Variants in SCN9A observed in about 807,000 individuals in gnomAD.
The protein encoded by SCN9A is sodium voltage-gated channel alpha subunit 9, also known as sodium channel protein type 9 subunit alpha.
Under a neutral mutation model 187.0 loss-of-function variants are expected in SCN9A, and 131 were observed. The observed-to-expected ratio is 0.70, with a 90% confidence interval of 0.61 to 0.81. The LOEUF is 0.81. Ranked by LOEUF, SCN9A falls within the 30% of genes least tolerant of loss-of-function variation. The probability of loss-of-function intolerance (pLI) is 0.00; values close to 1 mark genes in which losing one functional copy is unlikely to be tolerated. For missense variants in SCN9A, 2,252 were observed against 2,396.6 expected (o/e 0.94, Z 1.26); for synonymous variants, 809 against 808.6 (o/e 1.00, Z -0.01).
intron 17 of SCN9A, among the ~76,000 whole-genome samples, chr2:166,266,608 G>A (rs1696750639): frequency 6.7e-6 from 1 of 150,178 alleles, no homozygotes; most frequent in Non-Finnish European, 1.5e-5. Context: ...GAATGTCACT[G>A]GTATTTTGAT....
chr2:166,275,583 CAAAA>C, intron 16 of SCN9A, among the ~76,000 whole-genome samples: 1 of 95,146 alleles, frequency 1.1e-5, no homozygotes, highest in Non-Finnish European at 2.2e-5. Context: ...GATTCCATCT[CAAAA>C]AAAAAAAAAA....
intron 7 of SCN9A, among the ~76,000 whole-genome samples, chr2:166,297,875 T>C (rs974120466): frequency 2.0e-5 from 3 of 151,852 alleles, no homozygotes; most frequent in Non-Finnish European, 4.4e-5. Flanking sequence ...ATGGGGAAAA[T>C]GAAAATTGAT....
chr2:166,331,011 A>G (rs899084985), intron 1 of SCN9A, among the ~76,000 whole-genome samples: 1 of 152,196 alleles, frequency 6.6e-6, no homozygotes, highest in African/African-American at 2.4e-5. Flanking sequence ...AAATGCAAAA[A>G]TACAAGGGCA....
intron 2 of SCN9A, among the ~76,000 whole-genome samples, chr2:166,309,563 G>A (rs13426370): frequency 0.01 from 1,570 of 151,948 alleles, 10 homozygotes; most frequent in Non-Finnish European, 0.014. Context: ...GGACCTCTTC[G>A]AGGAGAACTA....
intron 18 of SCN9A, among the ~76,000 whole-genome samples, chr2:166,245,508 G>T (rs1695748364): frequency 1.3e-5 from 2 of 151,772 alleles, no homozygotes; most frequent in African/African-American, 2.4e-5. Flanking sequence ...GATAAACAGA[G>T]CTATGAACAT....
In SCN9A at chr2:166,198,508, C is replaced by G. The variant is rs1158330162; in HGVS notation, c.*164G>C. ...GAATCATCAGTGCAAAAATAACCAT[C>G]TGCTAATGCTGCCCACCTTTCTTAG... On this transcript the variant is annotated 3_prime_UTR_variant, in exon 27 of 27. Transcript: ENST00000642356. The G allele has an allele frequency of 3.4e-6, 2 of 587,744 alleles. No homozygotes were observed. The highest frequency in any genetic ancestry group is 6.0e-6 in the Non-Finnish European group (2 of 335,306). The allele number at this position is 587,744 out of a possible 1,614,324, so 36.4% of individuals were successfully genotyped here.
chr2:166,291,702 T>C (rs1698078855), intron 9 of SCN9A, among the ~76,000 whole-genome samples: 1 of 152,184 alleles, frequency 6.6e-6, no homozygotes. Flanking sequence ...CAAAACAGCA[T>C]GGTAGTGGTA....
intron 1 of SCN9A, among the ~76,000 whole-genome samples, chr2:166,322,936 G>T (rs1316306448): frequency 2.0e-5 from 3 of 152,118 alleles, no homozygotes; most frequent in Non-Finnish European, 4.4e-5. Context: ...TTTGTAAAAT[G>T]TAATTTTAAA....
intron 17 of SCN9A, among the ~76,000 whole-genome samples, chr2:166,256,928 G>T (rs891853391): frequency 2.6e-5 from 4 of 151,596 alleles, no homozygotes; most frequent in Admixed American, 6.6e-5. Flanking sequence ...TAAATGATAA[G>T]ATATGAATAT....
chr2:166,357,858 T>C (rs980545437), intron 1 of SCN9A, among the ~76,000 whole-genome samples: 5 of 152,014 alleles, frequency 3.3e-5, no homozygotes, highest in Non-Finnish European at 5.9e-5. Context: ...CAGGGAAAGA[T>C]GCCACCTTTT....
chr2:166,243,425 A>T (rs945339952), intron 18 of SCN9A, among the ~76,000 whole-genome samples: 3 of 152,018 alleles, frequency 2.0e-5, no homozygotes, highest in African/African-American at 7.2e-5. Flanking sequence ...CTATAACTAG[A>T]TATGGCAACT....
rs146267489 is a variant in SCN9A, at chr2:166,344,116, A to G, written c.-51+31581T>C. 2.6e-5 allele frequency among the ~76,000 whole-genome samples: 4 copies of G among 152,320 alleles called. No homozygotes were observed. In the East Asian group the frequency reaches 5.8e-4, roughly 22 times the overall value. ...ACTTTGCTTTAGTTACAGTAACATC[A>G]TATTCCAATCAACTAAACTAAACTA... On this transcript the variant is annotated intron_variant, in intron 1 of 26. Transcript: ENST00000642356.
intron 1 of SCN9A, among the ~76,000 whole-genome samples, chr2:166,374,299 T>C (rs924356209): frequency 1.3e-5 from 2 of 152,200 alleles, no homozygotes; most frequent in Non-Finnish European, 2.9e-5. Flanking sequence ...TTTAAACCTC[T>C]ACAAAATTTT....
chr2:166,281,567 A>T (rs1460568721), intron 13 of SCN9A, 112 bp downstream of exon 13: 2 of 976,728 alleles, frequency 2.0e-6, no homozygotes, highest in Admixed American at 4.8e-5. Flanking sequence ...ATTTAAAACC[A>T]TTTTATGGTC....
chr2:166,287,168 A>G (rs188307033), intron 10 of SCN9A, among the ~76,000 whole-genome samples: 13 of 152,284 alleles, frequency 8.5e-5, no homozygotes, highest in African/African-American at 3.1e-4. Context: ...ATCCCTTTAC[A>G]AAATGTTTTG....
intron 26 of SCN9A, among the ~76,000 whole-genome samples, chr2:166,202,833 G>A (rs1693607531): frequency 6.6e-6 from 1 of 151,514 alleles, no homozygotes; most frequent in Admixed American, 6.6e-5. Context: ...AACTCTAATT[G>A]AATTTATTTT....
At chr2:166,340,746 A>G (rs1347037736) in intron 1 of SCN9A, among the ~76,000 whole-genome samples, 1 of 151,714 alleles carries the variant, frequency 6.6e-6, no homozygotes, top group East Asian at 1.9e-4. Flanking sequence ...TCAGCCTCTC[A>G]AGTAGCTAGG....
intron 21 of SCN9A, 109 bp downstream of exon 21, chr2:166,233,231 T>A: frequency 1.4e-6 from 1 of 708,570 alleles, no homozygotes; most frequent in South Asian, 2.5e-5. Flanking sequence ...ATAAACAGCC[T>A]ATGTATTTAT....
At chr2:166,222,945 C>CAA (rs1309168684) in intron 24 of SCN9A, among the ~76,000 whole-genome samples, 789 of 44,910 alleles carry the variant, frequency 0.018, 115 homozygotes, top group East Asian at 0.026. Flanking sequence ...AAAAAAACAA[C>CAA]AAAAAAAAAA....
Sources: gnomAD v4.1 joint callset for allele counts (sites outside exome capture counted in the v4.1 genomes callset) on GRCh38, gnomAD v4.1.1 for gene constraint, MANE v1.5 for transcripts, NCBI Gene and HGNC (gene_info 2026-07-23, HGNC 2026-07-21) for gene names.